ARFIP1: variants seen among roughly 807,000 people sequenced by gnomAD.
The protein encoded by ARFIP1 is arfaptin-1.
Under a neutral mutation model 42.5 loss-of-function variants are expected in ARFIP1, and 24 were observed. That is an observed-to-expected ratio of 0.57 (90% CI 0.41 to 0.80). The LOEUF is 0.80. Among genes scored for constraint, ARFIP1 ranks in the 30% least tolerant of loss-of-function variants. ARFIP1 has a pLI of 0.00. For synonymous variants in ARFIP1, 141 were observed against 153.7 expected (o/e 0.92, Z 0.61); for missense variants, 354 against 434.0 (o/e 0.82, Z 1.64).
intron 3 of ARFIP1, among the ~76,000 whole-genome samples, chr4:152,869,633 T>TG (rs1242756667): frequency 6.6e-6 from 1 of 152,116 alleles, no homozygotes; most frequent in Non-Finnish European, 1.5e-5. Flanking sequence ...TTTGCCATGT[T>TG]GCCCAGGCTG....
At chr4:152,850,258 A>G (rs946592915) in intron 2 of ARFIP1, among the ~76,000 whole-genome samples, 4 of 152,216 alleles carry the variant, frequency 2.6e-5, no homozygotes, top group African/African-American at 9.6e-5. Context: ...GAAAACTTTC[A>G]GCCTAGACAG....
At chr4:152,852,083 A>T (rs1372652235) in intron 2 of ARFIP1, among the ~76,000 whole-genome samples, 2 of 152,256 alleles carry the variant, frequency 1.3e-5, no homozygotes. Flanking sequence ...CATTATGCTA[A>T]AAGCTTGAAT....
intron 1 of ARFIP1, among the ~76,000 whole-genome samples, chr4:152,812,065 C>A (rs185600749): frequency 6.6e-6 from 1 of 152,208 alleles, no homozygotes; most frequent in Non-Finnish European, 1.5e-5. Flanking sequence ...TTCAGAACAT[C>A]GGTTTTTTAT....
At chr4:152,886,341 T>G (rs1177232886) in intron 7 of ARFIP1, among the ~76,000 whole-genome samples, 2 of 152,020 alleles carry the variant, frequency 1.3e-5, no homozygotes, top group East Asian at 3.8e-4. Context: ...ATTTAAACAC[T>G]TTAACATGGC....
chr4:152,792,249 C>T (rs1731183400), intron 1 of ARFIP1, among the ~76,000 whole-genome samples: 1 of 152,110 alleles, frequency 6.6e-6, no homozygotes, highest in Non-Finnish European at 1.5e-5. Flanking sequence ...TAGTACTTTT[C>T]AAACTTTTTT....
chr4:152,845,084 A>G (rs1732426545), intron 2 of ARFIP1, among the ~76,000 whole-genome samples: 1 of 152,242 alleles, frequency 6.6e-6, no homozygotes, highest in Non-Finnish European at 1.5e-5. Context: ...ATTATTGACA[A>G]AGTCAACAAA....
At chr4:152,886,479 C>T (rs1036760420) in intron 7 of ARFIP1, among the ~76,000 whole-genome samples, 2 of 151,990 alleles carry the variant, frequency 1.3e-5, no homozygotes, top group African/African-American at 4.8e-5. Context: ...AAATCTATGC[C>T]TTTGTCCATG....
chr4:152,853,150 T>C (rs984303785), intron 2 of ARFIP1, among the ~76,000 whole-genome samples: 1 of 152,244 alleles, frequency 6.6e-6, no homozygotes, highest in Non-Finnish European at 1.5e-5. Flanking sequence ...TTATTTTGTA[T>C]AATCTTTGTT....
intron 8 of ARFIP1, among the ~76,000 whole-genome samples, chr4:152,896,366 A>G (rs780999025): frequency 1.4e-4 from 21 of 152,308 alleles, no homozygotes; most frequent in Non-Finnish European, 1.9e-4. Flanking sequence ...TCAGCAGTAA[A>G]GGACTAATTG....
chr4:152,796,557 C>G (rs928543553), intron 1 of ARFIP1: 25 of 785,286 alleles, frequency 3.2e-5, no homozygotes, highest in Non-Finnish European at 5.7e-5. Flanking sequence ...TCGAGATTGT[C>G]TCTCTGTCCT....
chr4:152,901,249 T>C (rs1442722289), intron 8 of ARFIP1, among the ~76,000 whole-genome samples: 1 of 152,224 alleles, frequency 6.6e-6, no homozygotes, highest in Non-Finnish European at 1.5e-5. Context: ...CATTAGTTTT[T>C]TCAGTCAGTA....
At chr4:152,843,568 A>G (rs1732279300) in intron 2 of ARFIP1, among the ~76,000 whole-genome samples, 1 of 152,096 alleles carries the variant, frequency 6.6e-6, no homozygotes, top group Non-Finnish European at 1.5e-5. Context: ...TTGAGCTCAA[A>G]CTATCCCTGG....
intron 1 of ARFIP1, among the ~76,000 whole-genome samples, chr4:152,782,226 GTGTGT>G (rs1561091363): frequency 0.034 from 1,113 of 32,636 alleles, 12 homozygotes; most frequent in African/African-American, 0.081. Flanking sequence ...AGGTAGGGGT[GTGTGT>G]GTGTGTGTGT....
chr4:152,881,856 G>C (rs372682744), intron 6 of ARFIP1, among the ~76,000 whole-genome samples: 9 of 152,214 alleles, frequency 5.9e-5, no homozygotes, highest in Middle Eastern at 3.4e-3. Context: ...TACAGCTATT[G>C]CAATAGCATT....
rs1278862285 is a variant in ARFIP1, at chr4:152,870,851, A to G, written c.298+3A>G. The G allele has an allele frequency of 6.2e-7, 1 of 1,607,940 alleles. No homozygotes were observed. Among genetic ancestry groups the G allele is most frequent in the Non-Finnish European group, 8.5e-7 (1 of 1,174,656 alleles). On this transcript the variant is annotated splice_donor_region_variant and intron_variant, in intron 4 of 8. Coordinates refer to ENST00000353617, the MANE Select transcript of ARFIP1 (RefSeq NM_001025595.3). ...AAGTGATTTAATTGTTCCTGCAGGT[A>G]TTCACTGCACTGATTGGATAAAGCA...
At chr4:152,900,039 CAG>C (rs1357080585) in intron 8 of ARFIP1, among the ~76,000 whole-genome samples, 1 of 151,610 alleles carries the variant, frequency 6.6e-6, no homozygotes, top group African/African-American at 2.4e-5. Flanking sequence ...GTTCAGATAG[CAG>C]AGAGAGAAGA....
At chr4:152,900,906 C>T (rs1417164603) in intron 8 of ARFIP1, among the ~76,000 whole-genome samples, 1 of 152,196 alleles carries the variant, frequency 6.6e-6, no homozygotes, top group South Asian at 2.1e-4. Flanking sequence ...ATATAAACCC[C>T]TATTTCATAG....
chr4:152,892,394 T>G (rs749665319), intron 8 of ARFIP1, among the ~76,000 whole-genome samples: 1 of 152,136 alleles, frequency 6.6e-6, no homozygotes, highest in Non-Finnish European at 1.5e-5. Flanking sequence ...TCATAACACT[T>G]CTCTTCTAAA....
chr4:152,869,718 C>T (rs1160297496), intron 3 of ARFIP1, among the ~76,000 whole-genome samples: 2 of 152,168 alleles, frequency 1.3e-5, no homozygotes, highest in Non-Finnish European at 2.9e-5. Flanking sequence ...CATGAGCCGC[C>T]GCTCTCAGCC....
Sources: gnomAD v4.1 joint callset for allele counts (sites outside exome capture counted in the v4.1 genomes callset) on GRCh38, gnomAD v4.1.1 for gene constraint, MANE v1.5 for transcripts, NCBI Gene and HGNC (gene_info 2026-07-23, HGNC 2026-07-21) for gene names.